CDK14: variants seen among roughly 807,000 people sequenced by gnomAD.
CDK14 encodes the protein cyclin dependent kinase 14.
In CDK14, 34 loss-of-function variants were observed where a neutral mutation model predicts 60.7. That is an observed-to-expected ratio of 0.56 (90% CI 0.43 to 0.75). CDK14 has a LOEUF of 0.75. Ranked by LOEUF, CDK14 falls within the 30% of genes least tolerant of loss-of-function variation. The probability of loss-of-function intolerance (pLI) is 0.00; values close to 1 mark genes in which losing one functional copy is unlikely to be tolerated. For synonymous variants in CDK14, 197 were observed against 203.7 expected, an observed-to-expected ratio of 0.97 and a Z score of 0.28; for missense variants, 482 against 564.1, an observed-to-expected ratio of 0.85 and a Z score of 1.47.
chr7:91,032,062 C>T lies in CDK14; in HGVS notation c.1042-13835C>T, dbSNP rs191042186. ...CCAGACAGCAGGGGGAAGGGCACCT[C>T]ATAAAGGGTCATACATCCAGGTTGC... On this transcript the variant is annotated intron_variant, in intron 10 of 14. Coordinates refer to ENST00000380050, the MANE Select transcript of CDK14 (RefSeq NM_001287135.2). Among the ~76,000 whole-genome samples the T allele has an allele frequency of 4.6e-5, 7 of 152,318 alleles. No individual in the cohort carries two copies. In the East Asian group the frequency reaches 9.6e-4, roughly 21 times the overall value.
chr7:90,863,199 A>T lies in CDK14; in HGVS notation c.569A>T (p.His190Leu). 1.9e-6 allele frequency: 3 copies of T among 1,607,606 alleles called. No homozygotes were observed. The highest frequency in any genetic ancestry group is 2.6e-6 in the Non-Finnish European group (3 of 1,175,358). The stretch of plus-strand genomic sequence containing the variant: ...GCTTCTCTTTTAAAAGGACTAAAAC[A>T]TGCTAACATAGTGCTACTTCATGAC... ...REASLLKGLK[H>L]ANIVLLHDII... Residue 190 changes from histidine to leucine, a missense_variant, in exon 6 of 15, where the codon CAT (histidine) becomes CTT (leucine). By Grantham distance (99) the His-to-Leu change is moderately conservative. Transcript: ENST00000380050.
intron 11 of CDK14, among the ~76,000 whole-genome samples, chr7:91,071,009 A>G (rs1005530397): frequency 3.9e-5 from 6 of 152,168 alleles, no homozygotes; most frequent in African/African-American, 9.6e-5. Flanking sequence ...GTGATCCATA[A>G]TGATTGATTT....
intron 3 of CDK14, among the ~76,000 whole-genome samples, chr7:90,733,530 T>A (rs952172554): frequency 1.3e-5 from 2 of 152,260 alleles, no homozygotes; most frequent in African/African-American, 4.8e-5. Context: ...ATATTTAGGA[T>A]AGTTACCTCT....
At chr7:90,809,252 A>G (rs1475048532) in intron 5 of CDK14, among the ~76,000 whole-genome samples, 1 of 152,208 alleles carries the variant, frequency 6.6e-6, no homozygotes, top group African/African-American at 2.4e-5. Context: ...GTAGAAGAAC[A>G]GAAGTTATAA....
At chr7:91,017,573 G>A (rs1164528568) in intron 10 of CDK14, among the ~76,000 whole-genome samples, 1 of 152,170 alleles carries the variant, frequency 6.6e-6, no homozygotes, top group African/African-American at 2.4e-5. Context: ...TAGGTGCTTG[G>A]TGGTGCTGCC....
At chr7:91,055,311 G>T (rs1297831412) in intron 11 of CDK14, among the ~76,000 whole-genome samples, 1 of 152,152 alleles carries the variant, frequency 6.6e-6, no homozygotes, top group East Asian at 1.9e-4. Context: ...CCTACAATAG[G>T]TAGGTTAAGA....
chr7:90,774,195 C>T (rs531406491), intron 4 of CDK14, among the ~76,000 whole-genome samples: 30 of 152,264 alleles, frequency 2.0e-4, no homozygotes, highest in Non-Finnish European at 2.9e-4. Context: ...TGAGCCACTA[C>T]GCCAGGCCAG....
intron 8 of CDK14, among the ~76,000 whole-genome samples, chr7:90,931,341 G>A (rs1793585276): frequency 6.6e-6 from 1 of 152,170 alleles, no homozygotes; most frequent in Non-Finnish European, 1.5e-5. Context: ...AAATGTTGAA[G>A]GCAGTAAAAC....
chr7:90,807,308 C>A (rs1384865757), intron 5 of CDK14, among the ~76,000 whole-genome samples: 1 of 152,178 alleles, frequency 6.6e-6, no homozygotes, highest in Non-Finnish European at 1.5e-5. Context: ...TTGCTGTTCA[C>A]CAATACCTGC....
intron 7 of CDK14, among the ~76,000 whole-genome samples, chr7:90,899,835 C>T (rs373862483): frequency 2.8e-4 from 42 of 152,086 alleles, no homozygotes; most frequent in African/African-American, 9.2e-4. Context: ...ATATTACTAC[C>T]GAGTATCAAA....
chr7:91,073,574 G>A lies in CDK14; in HGVS notation c.1106-5858G>A, dbSNP rs111529124. Among the ~76,000 whole-genome samples the A allele has an allele frequency of 8.1e-3, 1,231 of 152,250 alleles. 14 individuals carry two copies. The highest frequency in any genetic ancestry group is 0.028 in the African/African-American group (1,165 of 41,546). On this transcript the variant is annotated intron_variant, in intron 11 of 14. Transcript: ENST00000380050. ...ACACCAAAATATAAAGACCAATGATGTTGTGAAGAAACTGCATCAACTAGT... is the reference window on the plus strand; with the variant it reads ...ACACCAAAATATAAAGACCAATGATATTGTGAAGAAACTGCATCAACTAGT...
At chr7:90,893,948 G>T (rs1229466451) in intron 6 of CDK14, among the ~76,000 whole-genome samples, 4 of 152,168 alleles carry the variant, frequency 2.6e-5, no homozygotes. Flanking sequence ...GAATGTCTGG[G>T]CATGCACATA....
intron 4 of CDK14, among the ~76,000 whole-genome samples, chr7:90,789,813 G>T (rs1433756445): frequency 6.6e-6 from 1 of 152,116 alleles, no homozygotes; most frequent in African/African-American, 2.4e-5. Flanking sequence ...AAATAGAACA[G>T]TCAAGGAGGG....
At chr7:90,913,676 C>T (rs987886268) in intron 7 of CDK14, among the ~76,000 whole-genome samples, 26 of 152,262 alleles carry the variant, frequency 1.7e-4, no homozygotes, top group African/African-American at 5.3e-4. Context: ...GCCTGCAGAG[C>T]AGAGAGTGGT....
chr7:90,758,827 G>A (rs993165487), intron 4 of CDK14, among the ~76,000 whole-genome samples: 11 of 152,196 alleles, frequency 7.2e-5, no homozygotes, highest in Admixed American at 2.6e-4. Context: ...AGGGCAAGGC[G>A]GGTGGATCAC....
intron 2 of CDK14, among the ~76,000 whole-genome samples, chr7:90,644,205 C>A (rs1563028000): frequency 6.6e-6 from 1 of 152,130 alleles, no homozygotes; most frequent in East Asian, 1.9e-4. Flanking sequence ...CTTTCCAGTC[C>A]CCAAAACTAA....
chr7:91,188,469 C>T (rs1257214164), intron 14 of CDK14, among the ~76,000 whole-genome samples: 2 of 152,114 alleles, frequency 1.3e-5, no homozygotes, highest in Non-Finnish European at 2.9e-5. Context: ...ACTGAGTTGT[C>T]AACTTTTTCC....
chr7:90,915,438 T>A (rs888043995), intron 7 of CDK14, among the ~76,000 whole-genome samples: 1 of 152,040 alleles, frequency 6.6e-6, no homozygotes, highest in Non-Finnish European at 1.5e-5. Context: ...AACAGCATGC[T>A]GAGTGTTGAG....
chr7:90,792,893 T>A (rs970049694), intron 5 of CDK14, among the ~76,000 whole-genome samples: 4 of 152,250 alleles, frequency 2.6e-5, no homozygotes, highest in Non-Finnish European at 4.4e-5. Context: ...ATTTTACACA[T>A]GTTGTTCCCC....
Sources: allele counts gnomAD v4.1 joint callset (sites outside exome capture counted in the v4.1 genomes callset), GRCh38; gene constraint gnomAD v4.1.1; transcripts MANE v1.5; gene names NCBI Gene and HGNC (gene_info 2026-07-23, HGNC 2026-07-21).